Variants in CFAP95 observed in about 807,000 individuals in gnomAD.
CFAP95 encodes the protein cilia and flagella associated protein 95, also known as cilia- and flagella-associated protein 95.
At chr9:69,839,105 G>A in the CFAP95 span, among the ~76,000 whole-genome samples, 7 of 39,072 alleles carry the variant, frequency 1.8e-4, no homozygotes, top group Admixed American at 6.5e-4. Context: ...TGGTGGATAA[G>A]CTTTTTGATG....
chr9:69,850,320 T>C, the CFAP95 span, among the ~76,000 whole-genome samples: 1 of 152,218 alleles, frequency 6.6e-6, no homozygotes, highest in East Asian at 1.9e-4. Context: ...CAGGACAACA[T>C]TGTTGAGCAA....
the CFAP95 span, among the ~76,000 whole-genome samples, chr9:69,858,638 C>A: frequency 6.6e-6 from 1 of 152,168 alleles, no homozygotes; most frequent in Non-Finnish European, 1.5e-5. Flanking sequence ...TAAGCAGAAA[C>A]AGACATAAAA....
At chr9:69,905,860 T>C in the CFAP95 span, 1 of 926,444 alleles carries the variant, frequency 1.1e-6, no homozygotes, top group African/African-American at 1.7e-5. Flanking sequence ...TAACCTTCAA[T>C]CATAAGAATA....
the CFAP95 span, chr9:69,856,551 C>T: frequency 1.5e-5 from 24 of 1,576,014 alleles, no homozygotes; most frequent in Admixed American, 5.4e-5. Context: ...TTCTATGTTT[C>T]CAGATTTGGA....
chr9:69,884,078 G>A, the CFAP95 span, among the ~76,000 whole-genome samples: 1 of 151,706 alleles, frequency 6.6e-6, no homozygotes, highest in Non-Finnish European at 1.5e-5. Flanking sequence ...TTTAAGTTTT[G>A]GTATGTTGTG....
chr9:69,861,117 G>T, the CFAP95 span, among the ~76,000 whole-genome samples: 1 of 152,146 alleles, frequency 6.6e-6, no homozygotes, highest in Non-Finnish European at 1.5e-5. Context: ...TTATATAGCT[G>T]CCAGCACAGT....
chr9:69,844,574 T>A, the CFAP95 span: 1 of 1,613,586 alleles, frequency 6.2e-7, no homozygotes, highest in South Asian at 1.1e-5. Context: ...CTGAGAAAGT[T>A]AAAAAACTGT....
chr9:69,821,055 T>C, the CFAP95 span: 1 of 1,608,322 alleles, frequency 6.2e-7, no homozygotes, highest in Non-Finnish European at 8.5e-7. Flanking sequence ...CCTCGCAAGT[T>C]CCCGGGTGCT....
At chr9:69,837,210 C>T in the CFAP95 span, among the ~76,000 whole-genome samples, 2 of 152,100 alleles carry the variant, frequency 1.3e-5, no homozygotes, top group Non-Finnish European at 2.9e-5. Flanking sequence ...TGTGTCTTTA[C>T]AGCAGCATGA....
At chr9:69,836,887 C>T in the CFAP95 span, among the ~76,000 whole-genome samples, 2 of 147,424 alleles carry the variant, frequency 1.4e-5, no homozygotes, top group African/African-American at 2.5e-5. Context: ...CGCCTCCCCC[C>T]ACCCCACAAC....
chr9:69,862,956 ACT>A, the CFAP95 span, among the ~76,000 whole-genome samples: 10 of 152,228 alleles, frequency 6.6e-5, no homozygotes, highest in South Asian at 2.1e-4. Flanking sequence ...CCTGACCTTA[ACT>A]AAAGAAAAGC....
the CFAP95 span, among the ~76,000 whole-genome samples, chr9:69,890,897 A>G: frequency 0.017 from 2,535 of 152,330 alleles, 76 homozygotes; most frequent in African/African-American, 0.058. Context: ...ACAGAGGATT[A>G]GGAAGCCATG....
At chr9:69,857,775 G>C in the CFAP95 span, 13 of 674,146 alleles carry the variant, frequency 1.9e-5, no homozygotes, top group Admixed American at 2.8e-5. Flanking sequence ...CAATCCTCCC[G>C]TCTCGGCCTC....
the CFAP95 span, among the ~76,000 whole-genome samples, chr9:69,870,783 G>A: frequency 6.6e-6 from 1 of 152,194 alleles, no homozygotes; most frequent in Non-Finnish European, 1.5e-5. Flanking sequence ...AGGATGCAAG[G>A]GAGCACTGAA....
At chr9:69,835,381 A>C in the CFAP95 span, among the ~76,000 whole-genome samples, 8 of 152,332 alleles carry the variant, frequency 5.3e-5, no homozygotes, top group African/African-American at 1.9e-4. Context: ...CTCAGATTCA[A>C]ACCCCTTTGC....
At chr9:69,856,784 G>GA in the CFAP95 span, 2 of 599,374 alleles carry the variant, frequency 3.3e-6, no homozygotes, top group East Asian at 5.8e-5. Context: ...AACATATCAA[G>GA]CACATTTGTC....
At chr9:69,895,363 C>CTGTGTGTGTGTG in the CFAP95 span, among the ~76,000 whole-genome samples, 11 of 90,142 alleles carry the variant, frequency 1.2e-4, no homozygotes, top group South Asian at 8.2e-4. Context: ...CTCTCTCTCT[C>CTGTGTGTGTGTG]TCTCTCTGTG....
chr9:69,870,071 A>G, the CFAP95 span, among the ~76,000 whole-genome samples: 1 of 152,226 alleles, frequency 6.6e-6, no homozygotes, highest in Non-Finnish European at 1.5e-5. Context: ...TGTATTTGAC[A>G]GTTATGGAGT....
the CFAP95 span, among the ~76,000 whole-genome samples, chr9:69,866,776 A>T: frequency 6.6e-6 from 1 of 152,206 alleles, no homozygotes; most frequent in Non-Finnish European, 1.5e-5. Context: ...GTGAAAAGTT[A>T]TTTATCCATT....
Sources: gnomAD v4.1 joint callset for allele counts (sites outside exome capture counted in the v4.1 genomes callset) on GRCh38, gnomAD v4.1.1 for gene constraint, MANE v1.5 for transcripts, NCBI Gene and HGNC (gene_info 2026-07-23, HGNC 2026-07-21) for gene names.